GSN: variants seen among roughly 807,000 people sequenced by gnomAD.
GSN encodes the protein gelsolin, also known as actin-depolymerizing factor.
A neutral mutation model predicts 85.7 loss-of-function variants in GSN; 56 were observed. That is an observed-to-expected ratio of 0.65 (90% CI 0.53 to 0.82). The LOEUF is 0.82. Ranked by LOEUF, GSN falls within the 40% of genes least tolerant of loss-of-function variation. GSN has a pLI of 0.00. For synonymous variants in GSN, 373 were observed against 399.1 expected, an observed-to-expected ratio of 0.93 and a Z score of 0.78; for missense variants, 857 against 979.8, an observed-to-expected ratio of 0.87 and a Z score of 1.67.
intron 6 of GSN, 63 bp from the exon 7 acceptor site, chr9:121,313,871 A>C (rs895606738): frequency 9.0e-5 from 115 of 1,278,008 alleles, no homozygotes; most frequent in Non-Finnish European, 1.2e-4. Flanking sequence ...CCTGGGAGCT[A>C]TCTCAGGAGC....
chr9:121,227,701 A>C (rs2054296847), intron 4 of GSN, among the ~76,000 whole-genome samples: 1 of 152,118 alleles, frequency 6.6e-6, no homozygotes, highest in African/African-American at 2.4e-5. Flanking sequence ...GTGAGGGGAA[A>C]TACACCCTCA....
chr9:121,225,361 C>T (rs948551997), intron 4 of GSN, among the ~76,000 whole-genome samples: 4 of 152,176 alleles, frequency 2.6e-5, no homozygotes, highest in South Asian at 4.1e-4. Context: ...AGCACATATC[C>T]GAAATCATTT....
At chr9:121,215,241 C>A (rs1226829523) in intron 4 of GSN, among the ~76,000 whole-genome samples, 1 of 146,892 alleles carries the variant, frequency 6.8e-6, no homozygotes, top group Non-Finnish European at 1.5e-5. Flanking sequence ...TCATATATGA[C>A]CCATCTTAAT....
chr9:121,281,999 C>A (rs1285310839), intron 2 of GSN: 1 of 473,344 alleles, frequency 2.1e-6, no homozygotes, highest in East Asian at 6.9e-5. Context: ...GACTTGTTGA[C>A]CAGAGGAGGA....
intron 2 of GSN, chr9:121,282,597 C>A: frequency 1.0e-6 from 1 of 996,872 alleles, no homozygotes; most frequent in Non-Finnish European, 1.3e-6. Context: ...CCCCAAAAGC[C>A]AGGGATTCCC....
At position 121,332,311 on chromosome 9, in the gene GSN, C is replaced by A. The variant is rs117931270; in HGVS notation, c.2027-123C>A. ...GATGGTGCCCAGGGCAGGGGGTGGG[C>A]AGTAGGGACAGTAGGACCATAGACC... On this transcript the variant is annotated intron_variant, in intron 17 of 17. Transcript: ENST00000432226. This position sits in a 1 kb window ranked among gnomAD's most constrained non-coding sequence, Gnocchi z 4.8. 10,657 of 897,324 alleles carry A rather than the reference C, an allele frequency of 0.012. 91 individuals are homozygous for A. The highest frequency in any genetic ancestry group is 0.015 in the Non-Finnish European group (8,137 of 532,198). 55.6% of individuals were successfully genotyped at this position (897,324 alleles called of 1,614,324 possible).
chr9:121,312,364 A>G lies in GSN; in HGVS notation c.539A>G (p.Asn180Ser), dbSNP rs1426401845. 6.2e-7 allele frequency: 1 copy of G among 1,614,046 alleles called. No individual in the cohort carries two copies. The highest frequency in any genetic ancestry group is 8.5e-7 in the Non-Finnish European group (1 of 1,180,018). ...AACATCCACCAGTGGTGTGGTTCCA[A>G]CAGCAATCGGTATGAAAGACTGAAG... ...GNNIHQWCGS[N>S]SNRYERLKAT... Residue 180 changes from asparagine to serine, a missense_variant, in exon 6 of 18, where the codon AAC (asparagine) becomes AGC (serine). Coordinates refer to ENST00000432226, the MANE Select transcript of GSN (RefSeq NM_198252.3).
At chr9:121,310,584 A>G in intron 4 of GSN, 100 bp from the exon 5 acceptor site, 1 of 1,162,192 alleles carries the variant, frequency 8.6e-7, no homozygotes, top group Non-Finnish European at 1.3e-6. Context: ...CCCCTGGTCC[A>G]CAAGCCAGAA....
At chr9:121,321,093 C>A (rs1272565883) in intron 10 of GSN, among the ~76,000 whole-genome samples, 175 bp from the exon 11 acceptor site, 2 of 152,236 alleles carry the variant, frequency 1.3e-5, no homozygotes, top group Non-Finnish European at 2.9e-5. Context: ...AGTCCCAGCC[C>A]TGCCTTCTAG....
chr9:121,326,789 CG>C (rs768393137), intron 13 of GSN, 107 bp downstream of exon 13: 6 of 1,032,028 alleles, frequency 5.8e-6, no homozygotes, highest in Non-Finnish European at 9.2e-6. Flanking sequence ...TGGTGAATGA[CG>C]GGGTAAGAAG....
chr9:121,287,081 C>A (rs1482062110), intron 2 of GSN, among the ~76,000 whole-genome samples: 1 of 152,186 alleles, frequency 6.6e-6, no homozygotes, highest in Non-Finnish European at 1.5e-5. Context: ...GAGCCTCCGA[C>A]TCCACCCTGT....
At chr9:121,235,984 TG>T (rs2054484898) in intron 5 of GSN, among the ~76,000 whole-genome samples, 1 of 152,186 alleles carries the variant, frequency 6.6e-6, no homozygotes, top group Non-Finnish European at 1.5e-5. Context: ...TATCATGAAC[TG>T]GGTGGCTTAA....
intron 4 of GSN, among the ~76,000 whole-genome samples, chr9:121,228,241 G>A (rs2054308949): frequency 6.6e-6 from 1 of 151,606 alleles, no homozygotes; most frequent in African/African-American, 2.4e-5. Context: ...CACACCCGAG[G>A]TGCTGCAGAG....
chr9:121,297,273 G>A (rs571328532), intron 2 of GSN, among the ~76,000 whole-genome samples: 186 of 152,074 alleles, frequency 1.2e-3, no homozygotes, highest in Non-Finnish European at 2.4e-3. Context: ...CAATTTTTTC[G>A]GCTAGTATAT....
rs2133678129 is a variant in GSN, at chr9:121,318,743, G to C, written c.1054G>C (p.Asp352His). 15 of 1,613,506 alleles carry C rather than the reference G, an allele frequency of 9.3e-6. No individual in the cohort carries two copies. The highest frequency in any genetic ancestry group is 1.3e-5 in the Non-Finnish European group (15 of 1,179,468). Residue 352 changes from aspartate (D) to histidine (H), a missense_variant, in exon 10 of 18, where the codon GAT becomes CAT. Coordinates refer to ENST00000432226, the MANE Select transcript of GSN (RefSeq NM_198252.3). This position sits in a 1 kb window ranked among gnomAD's most constrained non-coding sequence, Gnocchi z 4.3. ...FKNWRDPDQT[D>H]GLGLSYLSSH... The stretch of plus-strand genomic sequence containing the variant: ...GAACTGGCGGGACCCAGACCAGACA[G>C]ATGGCCTGGGCTTGTCCTACCTTTC...
In GSN at chr9:121,310,806, C is replaced by T; in HGVS notation, c.474C>T (p.Ser158=). Residue 158 remains serine, a synonymous_variant, in exon 5 of 18, where the codon AGC becomes AGT. Transcript: ENST00000432226. ...RATEVPVSWE[S]FNNGDCFILD... ...CCGAGGTACCTGTGTCCTGGGAGAGCTTCAACAATGGCGACTGCTTCATCC... is the reference window on the plus strand; with the variant it reads ...CCGAGGTACCTGTGTCCTGGGAGAGTTTCAACAATGGCGACTGCTTCATCC... 2 of 1,614,138 alleles carry T rather than the reference C, an allele frequency of 1.2e-6. No individual in the cohort carries two copies. Among genetic ancestry groups the T allele is most frequent in the South Asian group, 2.2e-5 (2 of 91,078 alleles).
chr9:121,228,838 C>T (rs923630571), intron 4 of GSN, among the ~76,000 whole-genome samples: 9 of 152,186 alleles, frequency 5.9e-5, no homozygotes, highest in African/African-American at 1.9e-4. Flanking sequence ...TCTCTGTGTG[C>T]ATGTATGTAC....
At chr9:121,234,993 A>T (rs1403530448) in intron 5 of GSN, among the ~76,000 whole-genome samples, 2 of 152,162 alleles carry the variant, frequency 1.3e-5, no homozygotes, top group African/African-American at 4.8e-5. Flanking sequence ...TTCCTTCTCC[A>T]TGAGAGGGAG....
chr9:121,213,506 C>T (rs2054004483), intron 4 of GSN, among the ~76,000 whole-genome samples: 1 of 152,236 alleles, frequency 6.6e-6, no homozygotes, highest in Non-Finnish European at 1.5e-5. Flanking sequence ...ATTGTTTCCT[C>T]AGTCTCTTTG....
Sources: gnomAD v4.1 joint callset for allele counts (sites outside exome capture counted in the v4.1 genomes callset) on GRCh38, gnomAD v4.1.1 for gene constraint, Gnocchi (gnomAD v3.1) non-coding constraint, MANE v1.5 for transcripts, NCBI Gene and HGNC (gene_info 2026-07-23, HGNC 2026-07-21) for gene names.